The following CLMN variants were observed in gnomAD, a reference collection of about 807,000 sequenced individuals.
The protein encoded by CLMN is calmin.
Under a neutral mutation model 92.7 loss-of-function variants are expected in CLMN, and 57 were observed. The ratio of observed to expected loss-of-function variants is 0.61; its 90% CI spans 0.50 to 0.77. The LOEUF is 0.77. Among genes scored for constraint, CLMN ranks in the 30% least tolerant of loss-of-function variants. The pLI, the probability that CLMN is intolerant of heterozygous loss-of-function variation, is 0.00. For missense variants in CLMN, 1,158 were observed against 1,237.5 expected (o/e 0.94, Z 0.96); for synonymous variants, 466 against 470.6 (o/e 0.99, Z 0.13).
intron 1 of CLMN, among the ~76,000 whole-genome samples, chr14:95,289,749 CCT>C (rs2140755920): frequency 6.6e-6 from 1 of 152,220 alleles, no homozygotes; most frequent in South Asian, 2.1e-4. Context: ...CGGCTGTTGT[CCT>C]CTCTGTTCCC....
At chr14:95,245,474 G>A (rs1038069620) in intron 1 of CLMN, among the ~76,000 whole-genome samples, 5 of 148,586 alleles carry the variant, frequency 3.4e-5, no homozygotes, top group African/African-American at 1.2e-4. Flanking sequence ...ATGGATGGAC[G>A]GATGGATGGA....
chr14:95,290,205 C>A (rs1900509647), intron 1 of CLMN, among the ~76,000 whole-genome samples: 3 of 152,220 alleles, frequency 2.0e-5, no homozygotes, highest in Non-Finnish European at 4.4e-5. Context: ...AAACCCTTAC[C>A]ATGATGCCCT....
intron 1 of CLMN, among the ~76,000 whole-genome samples, chr14:95,312,459 C>T (rs946382701): frequency 9.8e-5 from 15 of 152,290 alleles, no homozygotes; most frequent in Middle Eastern, 6.8e-3. Flanking sequence ...ACGAGAAGCA[C>T]CTTCTACTTG....
At chr14:95,306,168 G>C (rs538837802) in intron 1 of CLMN, among the ~76,000 whole-genome samples, 56 of 152,118 alleles carry the variant, frequency 3.7e-4, no homozygotes, top group Non-Finnish European at 4.6e-4. Flanking sequence ...AGGTGTGGAG[G>C]ACAGCACAAG....
At chr14:95,216,220 T>C (rs1897340717) in intron 4 of CLMN, among the ~76,000 whole-genome samples, 1 of 152,160 alleles carries the variant, frequency 6.6e-6, no homozygotes. Flanking sequence ...AATTCCCTTT[T>C]ATAAAACCAT....
intron 4 of CLMN, among the ~76,000 whole-genome samples, chr14:95,218,376 A>G (rs919511870): frequency 6.6e-6 from 1 of 152,226 alleles, no homozygotes; most frequent in African/African-American, 2.4e-5. Context: ...GGGGCAGCCC[A>G]TCTCTGACAC....
intron 1 of CLMN, among the ~76,000 whole-genome samples, chr14:95,311,382 TGCCTCCACCATCGGA>T (rs1901532364): frequency 6.6e-6 from 1 of 152,092 alleles, no homozygotes; most frequent in Non-Finnish European, 1.5e-5. Flanking sequence ...GGGTGGGGCG[TGCCTCCACCATCGGA>T]GCCTGGGGTC....
intron 5 of CLMN, among the ~76,000 whole-genome samples, chr14:95,214,060 A>G (rs1897265267): frequency 6.6e-6 from 1 of 151,802 alleles, no homozygotes; most frequent in African/African-American, 2.4e-5. Context: ...CCCCCATCTG[A>G]GCTAGCTGCC....
intron 1 of CLMN, among the ~76,000 whole-genome samples, chr14:95,274,978 C>CAA (rs5810718): frequency 0.14 from 10,676 of 76,158 alleles, 647 homozygotes; most frequent in African/African-American, 0.18. Context: ...CACTCTGTCT[C>CAA]AAAAAAAAAA....
chr14:95,302,239 G>A (rs1901090209), intron 1 of CLMN, among the ~76,000 whole-genome samples: 1 of 152,058 alleles, frequency 6.6e-6, no homozygotes, highest in African/African-American at 2.4e-5. Flanking sequence ...GGCAGAGGTT[G>A]CAGTGAGCCA....
intron 1 of CLMN, among the ~76,000 whole-genome samples, chr14:95,236,451 T>A (rs1231070885): frequency 6.6e-6 from 1 of 152,144 alleles, no homozygotes; most frequent in Non-Finnish European, 1.5e-5. Context: ...GGGTGATGGC[T>A]CCCAGGGGAC....
Position 95,203,794 on chromosome 14 carries a change from C to T in CLMN, c.1555G>A (p.Asp519Asn), listed in dbSNP as rs570157276. The change falls in exon 9 of 13, where the codon GAT becomes AAT. Residue 519 changes from aspartate to asparagine, a missense_variant. By Grantham distance (23) the Asp-to-Asn change is conservative (BLOSUM62 1). Transcript: ENST00000298912. ...GGTGAAAGAGAGTGACTTTCTTCAT[C>T]GTGGCGGGCTGTACTCTCTAAAGCA... is the stretch of plus-strand genomic sequence containing the variant. The part of the protein sequence containing the change: ...NGALESTARH[D>N]EESHSLSPPG... 32 of 1,614,126 alleles carry T rather than the reference C, an allele frequency of 2.0e-5. 2 individuals carry two copies. The South Asian group carries it at 2.2e-4, about 11-fold the overall frequency.
intron 1 of CLMN, among the ~76,000 whole-genome samples, chr14:95,255,877 T>C (rs1332376218): frequency 6.6e-6 from 1 of 152,188 alleles, no homozygotes; most frequent in African/African-American, 2.4e-5. Context: ...TTATTTTCCC[T>C]TATTTTTGTG....
At chr14:95,245,233 A>ATATATTATATATG (rs1898474904) in intron 1 of CLMN, among the ~76,000 whole-genome samples, 1 of 35,696 alleles carries the variant, frequency 2.8e-5, no homozygotes, top group Non-Finnish European at 4.3e-5. Context: ...TATTATATAT[A>ATATATTATATATG]TATATTATAT....
At chr14:95,257,230 G>C (rs769569868) in intron 1 of CLMN, among the ~76,000 whole-genome samples, 1 of 152,194 alleles carries the variant, frequency 6.6e-6, no homozygotes, top group Non-Finnish European at 1.5e-5. Flanking sequence ...ACTTTGCATC[G>C]AAACAACGGT....
chr14:95,196,774 G>A (rs1207535355), intron 9 of CLMN, 80 bp from the exon 10 acceptor site: 33 of 1,380,092 alleles, frequency 2.4e-5, no homozygotes, highest in Non-Finnish European at 2.9e-5. Flanking sequence ...GCAGTGCTCT[G>A]CCCAGGCCCA....
At chr14:95,310,487 C>T (rs1223843864) in intron 1 of CLMN, among the ~76,000 whole-genome samples, 1 of 152,214 alleles carries the variant, frequency 6.6e-6, no homozygotes, top group Non-Finnish European at 1.5e-5. Context: ...ATCATATCTG[C>T]CAAGTCCCTT....
intron 1 of CLMN, among the ~76,000 whole-genome samples, chr14:95,286,414 G>A (rs1368436669): frequency 2.0e-5 from 3 of 152,196 alleles, no homozygotes; most frequent in Admixed American, 6.5e-5. Flanking sequence ...TTTAAATGAA[G>A]TATCTAGAAT....
intron 1 of CLMN, among the ~76,000 whole-genome samples, chr14:95,276,346 G>A (rs955310437): frequency 2.6e-5 from 4 of 152,176 alleles, no homozygotes; most frequent in African/African-American, 7.2e-5. Context: ...GATGTTAGCC[G>A]CTATTCTCTT....
Sources: gnomAD v4.1 joint callset for allele counts (sites outside exome capture counted in the v4.1 genomes callset) on GRCh38, gnomAD v4.1.1 for gene constraint, MANE v1.5 for transcripts, NCBI Gene and HGNC (gene_info 2026-07-23, HGNC 2026-07-21) for gene names.